The following FMN2 variants were observed in gnomAD, a reference collection of about 807,000 sequenced individuals.
FMN2 encodes formin-2.
Under a neutral mutation model 142.3 loss-of-function variants are expected in FMN2, and 51 were observed. That is an observed-to-expected ratio of 0.36 (90% CI 0.29 to 0.45). FMN2 has a LOEUF of 0.45. Among genes scored for constraint, FMN2 ranks in the 20% least tolerant of loss-of-function variants. The probability of loss-of-function intolerance (pLI) is 1.00; values close to 1 mark genes in which losing one functional copy is unlikely to be tolerated. For synonymous variants in FMN2, 882 were observed against 869.8 expected (o/e 1.01, Z -0.25); for missense variants, 1,936 against 2,122.8 (o/e 0.91, Z 1.73).
chr1:240,284,602 A>G (rs1356302193), intron 7 of FMN2, among the ~76,000 whole-genome samples: 1 of 152,200 alleles, frequency 6.6e-6, no homozygotes, highest in African/African-American at 2.4e-5. Context: ...TAACACCTAA[A>G]GACAAACACA....
intron 4 of FMN2, among the ~76,000 whole-genome samples, chr1:240,201,967 A>G (rs929797362): frequency 2.6e-5 from 4 of 152,192 alleles, no homozygotes; most frequent in Non-Finnish European, 4.4e-5. Flanking sequence ...TGAGGCCACC[A>G]TTGCAATTTG....
At chr1:240,318,917 GT>G (rs1253717240) in intron 8 of FMN2, among the ~76,000 whole-genome samples, 2 of 152,138 alleles carry the variant, frequency 1.3e-5, no homozygotes, top group Non-Finnish European at 2.9e-5. Flanking sequence ...GAGTTTTCCA[GT>G]TTACTGGAAT....
At chr1:240,451,056 G>A (rs1262625444) in intron 16 of FMN2, among the ~76,000 whole-genome samples, 1 of 152,128 alleles carries the variant, frequency 6.6e-6, no homozygotes, top group Non-Finnish European at 1.5e-5. Flanking sequence ...TTTTTGTAAG[G>A]AAATATTAAT....
chr1:240,197,180 T>C (rs1045378188), intron 4 of FMN2, among the ~76,000 whole-genome samples: 1 of 152,118 alleles, frequency 6.6e-6, no homozygotes, highest in African/African-American at 2.4e-5. Flanking sequence ...ATGTAGTTAA[T>C]CGCACCTACA....
intron 2 of FMN2, chr1:240,170,708 A>G (rs1422146315): frequency 6.4e-7 from 1 of 1,554,970 alleles, no homozygotes; most frequent in Non-Finnish European, 8.9e-7. Flanking sequence ...TCAGCTGGTT[A>G]TGGTGCTGCT....
At chr1:240,263,034 C>T (rs1194054545) in intron 7 of FMN2, among the ~76,000 whole-genome samples, 5 of 152,146 alleles carry the variant, frequency 3.3e-5, no homozygotes, top group Non-Finnish European at 7.4e-5. Context: ...GCTGGGATTA[C>T]AGGCGTGAGC....
At chr1:240,297,279 T>C (rs565139406) in intron 8 of FMN2, among the ~76,000 whole-genome samples, 1 of 152,268 alleles carries the variant, frequency 6.6e-6, no homozygotes, top group South Asian at 2.1e-4. Context: ...GAACATTGAA[T>C]GTTTATTTTA....
chr1:240,448,221 C>A (rs2103202109), intron 16 of FMN2, among the ~76,000 whole-genome samples: 1 of 152,258 alleles, frequency 6.6e-6, no homozygotes, highest in Middle Eastern at 3.4e-3. Context: ...TCAAAAAAGA[C>A]CATCATCAAC....
chr1:240,260,525 A>G (rs924655144), intron 7 of FMN2, among the ~76,000 whole-genome samples: 1 of 151,682 alleles, frequency 6.6e-6, no homozygotes, highest in African/African-American at 2.4e-5. Flanking sequence ...GCATTTTTTC[A>G]TGTTTGTTGG....
At chr1:240,145,271 TC>T in intron 2 of FMN2, 1 of 1,430,206 alleles carries the variant, frequency 7.0e-7, no homozygotes. Flanking sequence ...GTCCCCGGCA[TC>T]CCGCCGCTCC....
At chr1:240,204,605 G>A (rs1027105391) in intron 4 of FMN2, among the ~76,000 whole-genome samples, 2 of 152,160 alleles carry the variant, frequency 1.3e-5, no homozygotes, top group Admixed American at 6.5e-5. Flanking sequence ...ACAAAAATTA[G>A]CCGGGCGTGG....
At chr1:240,251,300 TTTTA>T (rs974274259) in intron 6 of FMN2, among the ~76,000 whole-genome samples, 2 of 152,122 alleles carry the variant, frequency 1.3e-5, no homozygotes, top group African/African-American at 4.8e-5. Flanking sequence ...CTAGGATTTT[TTTTA>T]TTTCTTCCTT....
At chr1:240,412,412 A>T (rs1002963986) in intron 15 of FMN2, among the ~76,000 whole-genome samples, 1 of 152,196 alleles carries the variant, frequency 6.6e-6, no homozygotes, top group Non-Finnish European at 1.5e-5. Flanking sequence ...GGAAGGAAGA[A>T]GAGAGATTGG....
intron 1 of FMN2, among the ~76,000 whole-genome samples, chr1:240,108,140 A>T (rs956964076): frequency 2.0e-5 from 3 of 152,132 alleles, no homozygotes; most frequent in African/African-American, 7.2e-5. Context: ...TGTTGGTCCA[A>T]ATCCCTTTAT....
chr1:240,294,523 C>T (rs1485948150), intron 7 of FMN2, among the ~76,000 whole-genome samples: 1 of 152,210 alleles, frequency 6.6e-6, no homozygotes, highest in African/African-American at 2.4e-5. Context: ...TGGTATGAAG[C>T]AGATTTTTCA....
chr1:240,276,900 T>C (rs1669234839), intron 7 of FMN2, among the ~76,000 whole-genome samples: 1 of 152,202 alleles, frequency 6.6e-6, no homozygotes. Context: ...GAATGCTCAG[T>C]GTTGCCTCAT....
At chr1:240,330,844 A>G (rs1050156523) in intron 11 of FMN2, 95 bp downstream of exon 11, 12 of 1,441,056 alleles carry the variant, frequency 8.3e-6, no homozygotes, top group African/African-American at 7.2e-5. Flanking sequence ...AAAAATATTT[A>G]TGTTCCTAGG....
At chr1:240,247,552 A>G (rs1668122848) in intron 6 of FMN2, among the ~76,000 whole-genome samples, 1 of 152,188 alleles carries the variant, frequency 6.6e-6, no homozygotes, top group African/African-American at 2.4e-5. Flanking sequence ...AAGATTCTAT[A>G]AGACTTTTTA....
chr1:240,245,311 C>A, intron 6 of FMN2: 1 of 360,484 alleles, frequency 2.8e-6, no homozygotes, highest in Non-Finnish European at 5.5e-6. Context: ...GGGCTGAGAG[C>A]AGGACTGAGA....
Sources: gnomAD v4.1 joint callset for allele counts (sites outside exome capture counted in the v4.1 genomes callset) on GRCh38, gnomAD v4.1.1 for gene constraint, MANE v1.5 for transcripts, NCBI Gene and HGNC (gene_info 2026-07-23, HGNC 2026-07-21) for gene names.